Variants in RAD50 observed in about 807,000 individuals in gnomAD.
RAD50 encodes the protein RAD50 double strand break repair protein, also known as DNA repair protein RAD50.
A neutral mutation model predicts 168.8 loss-of-function variants in RAD50; 132 were observed. The observed-to-expected ratio is 0.78, with a 90% CI of 0.68 to 0.90. The LOEUF (loss-of-function observed/expected upper bound fraction) is 0.90, where lower values mean the gene tolerates loss of function less well. Among genes scored for constraint, RAD50 ranks in the 40% least tolerant of loss-of-function variants. The pLI is 0.00. For missense variants in RAD50, 1,347 were observed against 1,534.4 expected (o/e 0.88, Z 2.04); for synonymous variants, 525 against 497.4 (o/e 1.06, Z -0.74).
chr5:132,563,441 A>G (rs1377054246), intron 2 of RAD50, among the ~76,000 whole-genome samples: 2 of 152,242 alleles, frequency 1.3e-5, no homozygotes, highest in Non-Finnish European at 2.9e-5. Context: ...TCTCAAATGA[A>G]AAAAGAAATG....
Position 132,608,793 on chromosome 5 carries a change from G to A in RAD50, c.2829+68G>A, listed in dbSNP as rs1039417729. On this transcript the variant is annotated intron_variant, in intron 17 of 24. Coordinates refer to ENST00000378823, the MANE Select transcript of RAD50 (RefSeq NM_005732.4). ...AAACTTATGTTCATAGCACCACGTC[G>A]GACACTTATTTCACATGAAATTAAA... 156 of 1,514,572 alleles carry A rather than the reference G, an allele frequency of 1.0e-4. 1 individual carries two copies. Among genetic ancestry groups the A allele is most frequent in the Admixed American group, 2.0e-4 (9 of 45,804 alleles). The allele number at this position is 1,514,572 out of a possible 1,614,324, so 93.8% of individuals were successfully genotyped here.
rs1322845292 is a variant in RAD50 at position 132,591,382 on chromosome 5, A to G, written c.1611A>G (p.Gln537=). The change falls in exon 10 of 25, where the codon CAA becomes CAG. Residue 537 remains glutamine (Q), a synonymous_variant. Coordinates refer to ENST00000378823, the MANE Select transcript of RAD50 (RefSeq NM_005732.4). ...ACCATCATACAACAACACGTACCCA[A>G]ATGGAGATGCTGACCAAAGACAAAG... ...QLNHHTTTRT[Q]MEMLTKDKAD... is the part of the protein sequence containing the mutation. 6.2e-7 allele frequency: 1 copy of G among 1,613,702 alleles called. No homozygotes were observed. The highest frequency in any genetic ancestry group is 8.5e-7 in the Non-Finnish European group (1 of 1,179,866).
chr5:132,596,662 C>T (rs1750797045), intron 13 of RAD50, among the ~76,000 whole-genome samples: 1 of 152,208 alleles, frequency 6.6e-6, no homozygotes, highest in Admixed American at 6.5e-5. Context: ...GAGAACAAGG[C>T]TAGTGCCAGA....
intron 4 of RAD50, 176 bp from the exon 5 acceptor site, chr5:132,579,686 C>T: frequency 1.2e-6 from 1 of 821,616 alleles, no homozygotes; most frequent in Non-Finnish European, 1.9e-6. Context: ...TATTTATTTA[C>T]CTGATTGACA....
chr5:132,576,001 C>G, intron 3 of RAD50, 73 bp downstream of exon 3: 1 of 1,409,990 alleles, frequency 7.1e-7, no homozygotes, highest in Admixed American at 2.2e-5. Flanking sequence ...TGGTTGTTTT[C>G]TACTATAAGT....
At chr5:132,557,497 T>C (rs1209838857) in intron 1 of RAD50, 44 bp downstream of exon 1, 5 of 1,611,406 alleles carry the variant, frequency 3.1e-6, no homozygotes, top group Non-Finnish European at 1.7e-6. Context: ...TCGCTACATC[T>C]TTCGGAGAAT....
At chr5:132,559,220 A>G (rs1750076359) in intron 1 of RAD50, 64 bp from the exon 2 acceptor site, 1 of 1,430,094 alleles carries the variant, frequency 7.0e-7, no homozygotes, top group Admixed American at 2.1e-5. Flanking sequence ...TAATGAATTC[A>G]TATTTTATGG....
chr5:132,578,524 CTTTTTTTTTTTTTTT>C (rs903882684), intron 3 of RAD50, among the ~76,000 whole-genome samples: 5 of 84,342 alleles, frequency 5.9e-5, no homozygotes, highest in Non-Finnish European at 1.1e-4. Flanking sequence ...TTTTTTCTTT[CTTTTTTTTTTTTTTT>C]TTTTTTTTTG....
intron 8 of RAD50, 75 bp downstream of exon 8, chr5:132,588,955 T>C: frequency 6.8e-7 from 1 of 1,460,372 alleles, no homozygotes; most frequent in South Asian, 1.2e-5. Flanking sequence ...TAATTTTTGG[T>C]TGGACTCCAT....
intron 5 of RAD50, 55 bp from the exon 6 acceptor site, chr5:132,587,507 A>G (rs1750613001): frequency 8.8e-6 from 14 of 1,596,456 alleles, no homozygotes; most frequent in Non-Finnish European, 1.2e-5. Flanking sequence ...GTCTTCATCT[A>G]TCAGCCATGT....
chr5:132,621,363 C>T (rs181745135), intron 21 of RAD50, among the ~76,000 whole-genome samples: 21 of 152,278 alleles, frequency 1.4e-4, no homozygotes, highest in African/African-American at 5.1e-4. Flanking sequence ...ATTATCTTCT[C>T]TCATCTGCAT....
intron 19 of RAD50, among the ~76,000 whole-genome samples, chr5:132,610,199 CAGAT>C (rs1751060545): frequency 6.6e-6 from 1 of 152,086 alleles, no homozygotes; most frequent in East Asian, 1.9e-4. Context: ...AGCACTTACT[CAGAT>C]TGATTTCATT....
intron 14 of RAD50, 74 bp from the exon 15 acceptor site, chr5:132,603,846 G>A (rs925704240): frequency 7.7e-7 from 1 of 1,300,032 alleles, no homozygotes; most frequent in African/African-American, 1.5e-5. Flanking sequence ...TAAATGATAA[G>A]AGCAATTAAT....
chr5:132,645,572 A>G lies in RAD50; in HGVS notation c.*3208A>G, dbSNP rs1380441843. 1 of 152,264 alleles carries G rather than the reference A, an allele frequency of 6.6e-6. No homozygotes were observed. Among genetic ancestry groups the G allele is most frequent in the African/African-American group, 2.4e-5 (1 of 41,460 alleles). 9.4% of individuals were successfully genotyped at this position (152,264 alleles called of 1,614,324 possible). A position where few individuals can be genotyped will look rare whatever the true frequency, so the allele number is the denominator to read the frequency against. ...TCTTAGTTTGGGTTCTCCCAGAAGCAGAGCGTAAAACAATGCTTCACGTGA... is the reference window on the plus strand; with the variant it reads ...TCTTAGTTTGGGTTCTCCCAGAAGCGGAGCGTAAAACAATGCTTCACGTGA... On this transcript the variant is annotated 3_prime_UTR_variant, in exon 25 of 25. Coordinates refer to ENST00000378823, the MANE Select transcript of RAD50 (RefSeq NM_005732.4).
At chr5:132,600,508 C>A (rs559141195) in intron 13 of RAD50, among the ~76,000 whole-genome samples, 3 of 152,124 alleles carry the variant, frequency 2.0e-5, no homozygotes, top group Non-Finnish European at 4.4e-5. Flanking sequence ...ATCTTCTTTG[C>A]GGGAAATATT....
At position 132,612,343 on chromosome 5, in the gene RAD50, G is replaced by A. The variant is rs112024150; in HGVS notation, c.3036+2947G>A. Among the ~76,000 whole-genome samples the A allele has an allele frequency of 1.8e-3, 269 of 152,306 alleles. 2 individuals carry two copies. The highest frequency in any genetic ancestry group is 6.0e-3 in the African/African-American group (249 of 41,562). On this transcript the variant is annotated intron_variant, in intron 19 of 24. Transcript: ENST00000378823. ...GATTAATGTTTCCAGGGGGCTAGAG[G>A]TGAGGAAGGAATAGAGTGACTGCTA...
chr5:132,564,828 C>A (rs1276766980), intron 2 of RAD50, among the ~76,000 whole-genome samples: 1 of 152,002 alleles, frequency 6.6e-6, no homozygotes, highest in Non-Finnish European at 1.5e-5. Context: ...AAAAGGGCCC[C>A]AGATATATCT....
At chr5:132,559,091 T>G (rs1750074489) in intron 1 of RAD50, among the ~76,000 whole-genome samples, 193 bp from the exon 2 acceptor site, 1 of 152,222 alleles carries the variant, frequency 6.6e-6, no homozygotes. Flanking sequence ...TTAGGATAAC[T>G]TCTTAGTTAT....
intron 19 of RAD50, among the ~76,000 whole-genome samples, chr5:132,615,331 T>G (rs1263353747): frequency 6.6e-6 from 1 of 152,216 alleles, no homozygotes; most frequent in East Asian, 1.9e-4. Flanking sequence ...TTTTGAAATT[T>G]CATTTCGGTG....
Sources: allele counts gnomAD v4.1 joint callset (sites outside exome capture counted in the v4.1 genomes callset), GRCh38; gene constraint gnomAD v4.1.1; transcripts MANE v1.5; gene names NCBI Gene and HGNC (gene_info 2026-07-23, HGNC 2026-07-21).